SDC2: variants seen among roughly 807,000 people sequenced by gnomAD.
SDC2 encodes the protein syndecan-2.
In SDC2, 13 loss-of-function variants were observed where a neutral mutation model predicts 22.2. The ratio of observed to expected loss-of-function variants is 0.59; its 90% confidence interval spans 0.38 to 0.93. The LOEUF is 0.93. Among genes scored for constraint, SDC2 ranks in the 40% least tolerant of loss-of-function variants. The pLI, the probability that SDC2 is intolerant of heterozygous loss-of-function variation, is 0.00. For missense variants in SDC2, 235 were observed against 246.8 expected, an observed-to-expected ratio of 0.95 and a Z score of 0.32; for synonymous variants, 94 against 92.8, an observed-to-expected ratio of 1.01 and a Z score of -0.07.
At chr8:96,500,478 A>G (rs907386152) in intron 1 of SDC2, among the ~76,000 whole-genome samples, 1 of 152,062 alleles carries the variant, frequency 6.6e-6, no homozygotes, top group African/African-American at 2.4e-5. Flanking sequence ...CCTGGCCAAC[A>G]TGGTGAAACC....
rs1813008021 is a variant in SDC2, at chr8:96,494,136, T to A, written c.-136T>A. 4 of 843,120 alleles carry A rather than the reference T, an allele frequency of 4.7e-6. No homozygotes were observed. The highest frequency in any genetic ancestry group is 7.0e-6 in the Non-Finnish European group (4 of 568,422). The allele number at this position is 843,120 out of a possible 1,614,324, so 52.2% of individuals were successfully genotyped here. On this transcript the variant is annotated 5_prime_UTR_variant, in exon 1 of 5. Coordinates refer to ENST00000302190, the MANE Select transcript of SDC2 (RefSeq NM_002998.4). ...AGCGCCCCCGAGCCCCGAGCCCGAG[T>A]CCCCGAGCCTGAGCCGCAATCGCTG...
chr8:96,601,567 G>A (rs1814985737), intron 2 of SDC2, among the ~76,000 whole-genome samples: 1 of 145,472 alleles, frequency 6.9e-6, no homozygotes, highest in Non-Finnish European at 1.5e-5. Context: ...CTTCAACCTG[G>A]AAGGCAGAGG....
chr8:96,520,923 C>CGGAG (rs1221499753), intron 1 of SDC2, among the ~76,000 whole-genome samples: 1 of 152,100 alleles, frequency 6.6e-6, no homozygotes, highest in African/African-American at 2.4e-5. Context: ...TAAAAGAAGG[C>CGGAG]GGAGCTCTGG....
intron 2 of SDC2, among the ~76,000 whole-genome samples, chr8:96,598,612 A>G (rs2575725): frequency 0.52 from 79,311 of 151,788 alleles, 20,918 homozygotes; most frequent in East Asian, 0.67. Flanking sequence ...GCAAAATTCC[A>G]TCTCAAAATA....
At chr8:96,533,287 T>G (rs1813696627) in intron 1 of SDC2, among the ~76,000 whole-genome samples, 1 of 152,226 alleles carries the variant, frequency 6.6e-6, no homozygotes, top group Non-Finnish European at 1.5e-5. Context: ...TATTCTCTTA[T>G]CTGGCCCCAC....
chr8:96,607,064 T>C (rs772260635), intron 3 of SDC2, among the ~76,000 whole-genome samples: 16 of 152,200 alleles, frequency 1.1e-4, no homozygotes, highest in Non-Finnish European at 1.8e-4. Context: ...TTGTGAACTG[T>C]GCCTGTTGTG....
chr8:96,521,624 CTATT>C (rs1813499027), intron 1 of SDC2, among the ~76,000 whole-genome samples: 1 of 152,146 alleles, frequency 6.6e-6, no homozygotes, highest in Non-Finnish European at 1.5e-5. Context: ...AAAAATATGT[CTATT>C]TAGAGTTCTT....
At chr8:96,515,171 A>G (rs567326726) in intron 1 of SDC2, among the ~76,000 whole-genome samples, 1 of 152,246 alleles carries the variant, frequency 6.6e-6, no homozygotes, top group South Asian at 2.1e-4. Flanking sequence ...CAAACCTTCA[A>G]TAGTTCTATA....
intron 1 of SDC2, among the ~76,000 whole-genome samples, chr8:96,581,827 T>C (rs1464939654): frequency 6.6e-6 from 1 of 152,016 alleles, no homozygotes; most frequent in Non-Finnish European, 1.5e-5. Context: ...TTGTCATTGG[T>C]GAAAAAAAAA....
intron 1 of SDC2, among the ~76,000 whole-genome samples, chr8:96,592,090 G>C (rs575830789): frequency 6.6e-6 from 1 of 152,346 alleles, no homozygotes; most frequent in Non-Finnish European, 1.5e-5. Flanking sequence ...GGGTGGTCCA[G>C]GCCACTGGAA....
chr8:96,509,319 A>G lies in SDC2; in HGVS notation c.60+14988A>G, dbSNP rs1280509917. Among the ~76,000 whole-genome samples, 6 of 142,348 alleles carry G rather than the reference A, an allele frequency of 4.2e-5. 2 individuals are homozygous for G. Among genetic ancestry groups the G allele is most frequent in the Non-Finnish European group, 4.8e-5 (3 of 62,412 alleles). 93.4% of individuals were successfully genotyped at this position (142,348 alleles called of 152,430 possible). A position where few individuals can be genotyped will look rare whatever the true frequency, so the allele number is the denominator to read the frequency against. On this transcript the variant is annotated intron_variant, in intron 1 of 4. Coordinates refer to ENST00000302190, the MANE Select transcript of SDC2 (RefSeq NM_002998.4). ...ACTCTCAGTGTTGATGATGATTGAAATGGACAGCTAATTGGATGTACTGAC... is the reference window on the plus strand; with the variant it reads ...ACTCTCAGTGTTGATGATGATTGAAGTGGACAGCTAATTGGATGTACTGAC...
chr8:96,501,388 C>A (rs1273143352), intron 1 of SDC2, among the ~76,000 whole-genome samples: 1 of 140,886 alleles, frequency 7.1e-6, no homozygotes, highest in African/African-American at 2.7e-5. Flanking sequence ...CTCACTGCAA[C>A]CTCCTCCCCC....
At chr8:96,540,587 TAGAA>T (rs1487381147) in intron 1 of SDC2, among the ~76,000 whole-genome samples, 4 of 151,628 alleles carry the variant, frequency 2.6e-5, no homozygotes, top group Non-Finnish European at 4.4e-5. Flanking sequence ...AAGCCAGTCT[TAGAA>T]AGACAGTGGC....
At chr8:96,576,416 C>CTTTTTT (rs71267268) in intron 1 of SDC2, among the ~76,000 whole-genome samples, 1,148 of 13,770 alleles carry the variant, frequency 0.083, 321 homozygotes, top group Non-Finnish European at 0.11. Flanking sequence ...TTATTATTCT[C>CTTTTTT]TTTTTTTTTT....
intron 1 of SDC2, among the ~76,000 whole-genome samples, chr8:96,554,610 A>G (rs1328109478): frequency 2.6e-5 from 4 of 152,130 alleles, no homozygotes; most frequent in African/African-American, 9.7e-5. Flanking sequence ...TGTTCTTATC[A>G]TCAGTTGACA....
At chr8:96,533,301 C>T (rs1201087761) in intron 1 of SDC2, among the ~76,000 whole-genome samples, 2 of 152,202 alleles carry the variant, frequency 1.3e-5, no homozygotes, top group African/African-American at 2.4e-5. Flanking sequence ...GCCCCACCCA[C>T]ATCCTGTTGA....
chr8:96,604,010 A>G (rs1815036869), intron 3 of SDC2, among the ~76,000 whole-genome samples: 1 of 152,208 alleles, frequency 6.6e-6, no homozygotes, highest in Admixed American at 6.5e-5. Context: ...ACTGCCTCAG[A>G]GTGTGTGTGG....
intron 3 of SDC2, among the ~76,000 whole-genome samples, chr8:96,605,182 C>T (rs1815056981): frequency 1.3e-5 from 2 of 152,164 alleles, no homozygotes; most frequent in Non-Finnish European, 2.9e-5. Flanking sequence ...AATAATGGGA[C>T]AAAGATGATA....
intron 1 of SDC2, among the ~76,000 whole-genome samples, chr8:96,515,213 T>C (rs115961673): frequency 0.012 from 1,799 of 152,318 alleles, 46 homozygotes; most frequent in African/African-American, 0.04. Context: ...AGTCGCTTTT[T>C]CCCCCTACTT....
Sources: allele counts gnomAD v4.1 joint callset (sites outside exome capture counted in the v4.1 genomes callset), GRCh38; gene constraint gnomAD v4.1.1; transcripts MANE v1.5; gene names NCBI Gene and HGNC (gene_info 2026-07-23, HGNC 2026-07-21).